Variants in NEDD1 observed in about 807,000 individuals in gnomAD.
The protein encoded by NEDD1 is protein NEDD1.
In NEDD1, 33 loss-of-function variants were observed where a neutral mutation model predicts 74.0. The observed-to-expected ratio is 0.45, with a 90% CI of 0.34 to 0.60. The LOEUF is 0.60. NEDD1 is among the 20% of genes least tolerant of loss of function. The pLI, the probability that NEDD1 is intolerant of heterozygous loss-of-function variation, is 0.01. For missense variants in NEDD1, 746 were observed against 776.5 expected (o/e 0.96, Z 0.47); for synonymous variants, 250 against 264.4 (o/e 0.95, Z 0.53).
intron 5 of NEDD1, among the ~76,000 whole-genome samples, chr12:96,919,515 G>T (rs1214996568): frequency 1.3e-5 from 2 of 152,102 alleles, no homozygotes; most frequent in African/African-American, 2.4e-5. Flanking sequence ...CCTCCATTTT[G>T]CAATGTCTGG....
At chr12:96,919,027 T>C (rs1874774356) in intron 5 of NEDD1, among the ~76,000 whole-genome samples, 1 of 152,190 alleles carries the variant, frequency 6.6e-6, no homozygotes, top group Non-Finnish European at 1.5e-5. Flanking sequence ...GTTACATAAA[T>C]AATTATTAGA....
chr12:96,911,026 T>A (rs1873869451), intron 3 of NEDD1, among the ~76,000 whole-genome samples: 1 of 152,218 alleles, frequency 6.6e-6, no homozygotes, highest in African/African-American at 2.4e-5. Flanking sequence ...ATTTACCTCC[T>A]TATCATTCCT....
chr12:96,937,384 GA>G lies in NEDD1; in HGVS notation c.1113del (p.Ala372GlnfsTer7). ...AMGKGTVAVQ[E>X]KAGLPRSINT... Reference sequence around the variant, plus strand: ...GGGGAAAGGAACAGTTGCTGTTCAAGAAAAAGCAGGTAAATGTTGCTTATAT... The same window carrying G: ...GGGGAAAGGAACAGTTGCTGTTCAAGAAAAGCAGGTAAATGTTGCTTATAT... On this transcript the variant is annotated frameshift_variant, in exon 9 of 16. Coordinates refer to ENST00000266742, the MANE Select transcript of NEDD1 (RefSeq NM_152905.4). LOFTEE classifies it high-confidence loss of function. 1 of 1,575,740 alleles carries G rather than the reference GA, an allele frequency of 6.3e-7. No homozygotes were observed. The highest frequency in any genetic ancestry group is 8.6e-7 in the Non-Finnish European group (1 of 1,161,246).
At chr12:96,919,940 C>T (rs373067055) in intron 5 of NEDD1, 45 bp from the exon 6 acceptor site, 19 of 1,430,658 alleles carry the variant, frequency 1.3e-5, no homozygotes, top group African/African-American at 1.1e-4. Context: ...ATGGGCTGTT[C>T]GAGGATTATG....
chr12:96,920,930 T>A (rs1325684804), intron 6 of NEDD1, among the ~76,000 whole-genome samples: 1 of 151,704 alleles, frequency 6.6e-6, no homozygotes, highest in Non-Finnish European at 1.5e-5. Context: ...AAGTCTTTTT[T>A]AAGTTTCATA....
chr12:96,920,201 A>C, intron 6 of NEDD1, 76 bp downstream of exon 6: 2 of 875,954 alleles, frequency 2.3e-6, no homozygotes, highest in Non-Finnish European at 3.3e-6. Flanking sequence ...CTGTGAATTT[A>C]AGTTTTTGAA....
At chr12:96,925,079 C>A in intron 6 of NEDD1, 1 of 259,392 alleles carries the variant, frequency 3.9e-6, no homozygotes. Context: ...TAGCAATAAG[C>A]AATAAGTATA....
At chr12:96,915,972 A>G (rs1054267786) in intron 4 of NEDD1, among the ~76,000 whole-genome samples, 3 of 152,188 alleles carry the variant, frequency 2.0e-5, no homozygotes, top group African/African-American at 7.2e-5. Flanking sequence ...GGTGGCACTT[A>G]AGTTGATATC....
chr12:96,927,233 AGTG>A (rs1168642558), intron 6 of NEDD1, among the ~76,000 whole-genome samples: 1 of 152,228 alleles, frequency 6.6e-6, no homozygotes, highest in Admixed American at 6.5e-5. Flanking sequence ...TGATCAAATT[AGTG>A]TCTTAGTGAA....
Position 96,936,794 on chromosome 12 carries a change from CTCCA to C in NEDD1, c.904_907del (p.Ser302LeufsTer8), listed in dbSNP as rs765383415. 1.9e-6 allele frequency: 3 copies of C among 1,602,756 alleles called. No individual in the cohort carries two copies. The South Asian group carries it at 3.3e-5, about 18-fold the overall frequency. The stretch of plus-strand genomic sequence containing the variant: ...CTGTGCAGTGTATAGCATTTCAGTA[CTCCA>C]CTGTTCTTACTAAGGTGAGACATTT... On this transcript the variant is annotated frameshift_variant, in exon 8 of 16. Coordinates refer to ENST00000266742, the MANE Select transcript of NEDD1 (RefSeq NM_152905.4). LOFTEE classifies it high-confidence loss of function.
intron 6 of NEDD1, among the ~76,000 whole-genome samples, chr12:96,924,235 A>T (rs1267872698): frequency 6.6e-6 from 1 of 152,132 alleles, no homozygotes; most frequent in Non-Finnish European, 1.5e-5. Context: ...GACTGTTACT[A>T]GTTTTGCTTA....
At chr12:96,951,409 A>G in intron 14 of NEDD1, 23 bp from the exon 15 acceptor site, 1 of 1,425,692 alleles carries the variant, frequency 7.0e-7, no homozygotes, top group Non-Finnish European at 9.7e-7. Flanking sequence ...GTAATTCTAA[A>G]AAGTATTTTA....
intron 11 of NEDD1, 70 bp downstream of exon 11, chr12:96,942,694 TC>T: frequency 2.6e-6 from 2 of 783,332 alleles, no homozygotes; most frequent in Admixed American, 4.3e-5. Context: ...GTGTAACAAA[TC>T]TCTCCAACAC....
chr12:96,939,587 A>G (rs1413814951), intron 9 of NEDD1, among the ~76,000 whole-genome samples: 3 of 152,056 alleles, frequency 2.0e-5, no homozygotes, highest in African/African-American at 7.2e-5. Context: ...TTTAAAATGT[A>G]ATACAGTAAT....
At chr12:96,945,661 A>C (rs758507793) in intron 13 of NEDD1, 32 bp from the exon 14 acceptor site, 2 of 1,396,254 alleles carry the variant, frequency 1.4e-6, no homozygotes, top group Non-Finnish European at 2.0e-6. Context: ...GTCCAAGTTG[A>C]CTATTAATAT....
chr12:96,907,920 C>T, intron 2 of NEDD1, 64 bp downstream of exon 2: 3 of 1,269,736 alleles, frequency 2.4e-6, no homozygotes, highest in Non-Finnish European at 3.0e-6. Flanking sequence ...CATTAAATCA[C>T]CCGGCGAGTT....
At chr12:96,929,075 C>T (rs1876054453) in intron 6 of NEDD1, among the ~76,000 whole-genome samples, 1 of 151,578 alleles carries the variant, frequency 6.6e-6, no homozygotes, top group South Asian at 2.1e-4. Flanking sequence ...TATTCTTTTT[C>T]TCTCTTTGGA....
intron 11 of NEDD1, 22 bp from the exon 12 acceptor site, chr12:96,943,538 A>C: frequency 6.4e-7 from 1 of 1,574,272 alleles, no homozygotes; most frequent in Non-Finnish European, 8.7e-7. Context: ...CCATATGCAC[A>C]TGCAGTTTTT....
chr12:96,923,384 T>A (rs779847428), intron 6 of NEDD1, among the ~76,000 whole-genome samples: 12 of 152,032 alleles, frequency 7.9e-5, no homozygotes, highest in Non-Finnish European at 1.6e-4. Context: ...TACTTAGGAG[T>A]GGAATTGCAG....
Sources: gnomAD v4.1 joint callset for allele counts (sites outside exome capture counted in the v4.1 genomes callset) on GRCh38, gnomAD v4.1.1 for gene constraint, MANE v1.5 for transcripts, NCBI Gene and HGNC (gene_info 2026-07-23, HGNC 2026-07-21) for gene names.